The following SVOPL variants were observed in gnomAD, a reference collection of about 807,000 sequenced individuals.
SVOPL encodes the protein putative transporter SVOPL.
A neutral mutation model predicts 61.0 loss-of-function variants in SVOPL; 60 were observed. The observed-to-expected ratio is 0.98, with a 90% CI of 0.80 to 1.22. The LOEUF is 1.22. SVOPL is among the 50% of genes most tolerant of loss of function. SVOPL has a pLI of 0.00. For missense variants in SVOPL, 662 were observed against 643.9 expected (o/e 1.03, Z -0.30); for synonymous variants, 279 against 250.0 (o/e 1.12, Z -1.09).
intron 14 of SVOPL, among the ~76,000 whole-genome samples, chr7:138,619,804 T>C (rs148920463): frequency 9.2e-5 from 14 of 152,196 alleles, no homozygotes; most frequent in African/African-American, 3.4e-4. Context: ...ACTGGACCAA[T>C]GGGGGTCTCT....
chr7:138,662,918 G>T lies in SVOPL; in HGVS notation c.345+156C>A, dbSNP rs548899712. 322 of 1,458,108 alleles carry T rather than the reference G, an allele frequency of 2.2e-4. No individual in the cohort carries two copies. In the African/African-American group the frequency reaches 4.1e-3, roughly 19 times the overall value. The allele number at this position is 1,458,108 out of a possible 1,614,324, so 90.3% of individuals were successfully genotyped here. On this transcript the variant is annotated intron_variant, in intron 5 of 15. Coordinates refer to ENST00000674285, the MANE Select transcript of SVOPL (RefSeq NM_001139456.2). Reference sequence around the variant, plus strand: ...GGTACCCTGAGAAAAATGTCCAGAAGATAAGCCTGGAATGTTCCATCAGGG... The same window carrying T: ...GGTACCCTGAGAAAAATGTCCAGAATATAAGCCTGGAATGTTCCATCAGGG...
chr7:138,657,134 G>A (rs991616602), intron 6 of SVOPL, among the ~76,000 whole-genome samples: 6 of 147,138 alleles, frequency 4.1e-5, no homozygotes, highest in Admixed American at 6.8e-5. Flanking sequence ...TTTCTTATTT[G>A]TTTATTTATT....
intron 1 of SVOPL, among the ~76,000 whole-genome samples, chr7:138,691,647 T>A (rs1330773305): frequency 6.6e-6 from 1 of 152,136 alleles, no homozygotes; most frequent in Non-Finnish European, 1.5e-5. Context: ...TTCAAGCGAT[T>A]CTCGTGCCTC....
chr7:138,639,933 G>T (rs1376785807), intron 9 of SVOPL, among the ~76,000 whole-genome samples: 5 of 151,236 alleles, frequency 3.3e-5, no homozygotes, highest in Admixed American at 2.0e-4. Context: ...TTTTAGCGGG[G>T]AGCGGTAAAA....
rs34209936 is a variant in SVOPL, at chr7:138,636,470, A to ATTTT, written c.790-6352_790-6349dup. Among the ~76,000 whole-genome samples the ATTTT allele has an allele frequency of 4.9e-5, 7 of 142,938 alleles. 1 individual carries two copies. Among genetic ancestry groups the ATTTT allele is most frequent in the South Asian group, 2.3e-4 (1 of 4,416 alleles). The allele number at this position is 142,938 out of a possible 152,430, so 93.8% of individuals were successfully genotyped here. A position where few individuals can be genotyped will look rare whatever the true frequency, so the allele number is the denominator to read the frequency against. On this transcript the variant is annotated intron_variant, in intron 9 of 15. Coordinates refer to ENST00000674285, the MANE Select transcript of SVOPL (RefSeq NM_001139456.2). ...CAACAAAATCTCAAACTCTCATAGG[A>ATTTT]TTTTTCTTTTTTTTTTTTGAGACAG...
intron 1 of SVOPL, among the ~76,000 whole-genome samples, chr7:138,700,782 G>A (rs772704632): frequency 7.9e-5 from 12 of 152,078 alleles, no homozygotes; most frequent in East Asian, 1.9e-4. Flanking sequence ...AATGCTTCGC[G>A]TCCCTCACTA....
intron 14 of SVOPL, among the ~76,000 whole-genome samples, chr7:138,599,739 T>G (rs1170370380): frequency 6.6e-6 from 1 of 151,792 alleles, no homozygotes; most frequent in Non-Finnish European, 1.5e-5. Context: ...AGTAGAAAAA[T>G]TAGCAGGGCG....
chr7:138,642,258 A>C (rs1218258607), intron 9 of SVOPL, among the ~76,000 whole-genome samples: 1 of 150,224 alleles, frequency 6.7e-6, no homozygotes, highest in African/African-American at 2.5e-5. Flanking sequence ...AGAACAAAAA[A>C]AGTCAAAGAA....
chr7:138,663,366 G>T (rs1208600321), intron 4 of SVOPL: 27 of 1,403,200 alleles, frequency 1.9e-5, no homozygotes, highest in Non-Finnish European at 2.4e-5. Context: ...CCTGCCCCAG[G>T]TGGAAACGGG....
chr7:138,650,299 C>G (rs1333967123), intron 7 of SVOPL, among the ~76,000 whole-genome samples: 4 of 152,122 alleles, frequency 2.6e-5, no homozygotes, highest in Non-Finnish European at 5.9e-5. Context: ...GGATGAGGGA[C>G]AGGGAGGGTC....
rs776461183 is a variant in SVOPL, at chr7:138,700,335, C to CTTTTT, written c.-35+838_-35+842dup. The stretch of plus-strand genomic sequence containing the variant: ...TACTCTGTTCTTTGGTTCCGTATGT[C>CTTTTT]TTTTTTTTTTTTTTTTTTTTTGAGA... On this transcript the variant is annotated intron_variant, in intron 1 of 15. Coordinates refer to ENST00000674285, the MANE Select transcript of SVOPL (RefSeq NM_001139456.2). 8.6e-3 allele frequency among the ~76,000 whole-genome samples: 861 copies of CTTTTT among 99,734 alleles called. 27 individuals carry two copies. Among genetic ancestry groups the CTTTTT allele is most frequent in the Non-Finnish European group, 0.012 (614 of 53,332 alleles). The allele number at this position is 99,734 out of a possible 152,430, so 65.4% of individuals were successfully genotyped here. A position where few individuals can be genotyped will look rare whatever the true frequency, so the allele number is the denominator to read the frequency against.
intron 14 of SVOPL, among the ~76,000 whole-genome samples, chr7:138,604,501 C>T (rs1798665742): frequency 6.6e-6 from 1 of 151,596 alleles, no homozygotes; most frequent in Non-Finnish European, 1.5e-5. Context: ...TGCCAAAACC[C>T]CGTCTCTATT....
At chr7:138,661,893 A>G in intron 5 of SVOPL, 6 of 985,382 alleles carry the variant, frequency 6.1e-6, no homozygotes, top group Non-Finnish European at 3.6e-6. Flanking sequence ...CTTTAGGTCA[A>G]TATTTCTGGC....
intron 14 of SVOPL, among the ~76,000 whole-genome samples, chr7:138,604,389 G>A (rs1215095236): frequency 6.6e-6 from 1 of 152,094 alleles, no homozygotes; most frequent in Non-Finnish European, 1.5e-5. Context: ...TGTTAATATA[G>A]TGGGCTGGGC....
At chr7:138,685,985 C>G (rs974815445) in intron 1 of SVOPL, among the ~76,000 whole-genome samples, 2 of 152,160 alleles carry the variant, frequency 1.3e-5, no homozygotes, top group Non-Finnish European at 2.9e-5. Context: ...TCTCCAAACT[C>G]TTCAAGTTGT....
Position 138,594,509 on chromosome 7 carries a change from C to G in SVOPL, c.*101G>C. 9.2e-7 allele frequency: 1 copy of G among 1,081,582 alleles called. No homozygotes were observed. The highest frequency in any genetic ancestry group is 1.3e-6 in the Non-Finnish European group (1 of 746,800). The allele number at this position is 1,081,582 out of a possible 1,614,324, so 67.0% of individuals were successfully genotyped here. A position where few individuals can be genotyped will look rare whatever the true frequency, so the allele number is the denominator to read the frequency against. On this transcript the variant is annotated 3_prime_UTR_variant, in exon 16 of 16. Coordinates refer to ENST00000674285, the MANE Select transcript of SVOPL (RefSeq NM_001139456.2). ...AAAAAAAAATCACTTTACTAATTAC[C>G]GAGTAGCATACAGAAGTAAAACCAA...
intron 4 of SVOPL, among the ~76,000 whole-genome samples, chr7:138,671,709 G>A (rs1276835920): frequency 6.6e-6 from 1 of 152,180 alleles, no homozygotes; most frequent in Non-Finnish European, 1.5e-5. Context: ...AATTCAGCGA[G>A]GGTGATTGGT....
intron 1 of SVOPL, among the ~76,000 whole-genome samples, chr7:138,694,593 A>G (rs1190835624): frequency 2.0e-5 from 3 of 152,018 alleles, no homozygotes; most frequent in Admixed American, 2.0e-4. Context: ...TACAAACTAA[A>G]TGCTCACCAG....
intron 9 of SVOPL, among the ~76,000 whole-genome samples, chr7:138,631,960 T>TCTCTCACACACACACACACACACACA (rs935815206): frequency 2.2e-4 from 32 of 147,068 alleles, no homozygotes; most frequent in African/African-American, 8.1e-4. Context: ...TGCTCTGATA[T>TCTCTCACACACACACACACACACACA]CACACACACA....
Sources: allele counts gnomAD v4.1 joint callset (sites outside exome capture counted in the v4.1 genomes callset), GRCh38; gene constraint gnomAD v4.1.1; transcripts MANE v1.5; gene names NCBI Gene and HGNC (gene_info 2026-07-23, HGNC 2026-07-21).